SOHLH2: variants seen among roughly 807,000 people sequenced by gnomAD.
SOHLH2 encodes the protein spermatogenesis and oogenesis specific basic helix-loop-helix 2, also known as spermatogenesis- and oogenesis-specific basic helix-loop-helix-containing protein 2.
In SOHLH2, 22 loss-of-function variants were observed where a neutral mutation model predicts 50.4. That is an observed-to-expected ratio of 0.44 (90% CI 0.31 to 0.62). SOHLH2 has a LOEUF of 0.62. Among genes scored for constraint, SOHLH2 ranks in the 20% least tolerant of loss-of-function variants. The probability of loss-of-function intolerance (pLI) is 0.08; values close to 1 mark genes in which losing one functional copy is unlikely to be tolerated. For missense variants in SOHLH2, 412 were observed against 504.4 expected (o/e 0.82, Z 1.76); for synonymous variants, 185 against 187.3 (o/e 0.99, Z 0.10).
chr13:36,209,268 T>C (rs979551697), intron 1 of SOHLH2, among the ~76,000 whole-genome samples: 1 of 152,176 alleles, frequency 6.6e-6, no homozygotes, highest in Non-Finnish European at 1.5e-5. Context: ...TAATTTTTCA[T>C]AACCTGCTAT....
chr13:36,190,913 C>T (rs1887553193), intron 5 of SOHLH2, among the ~76,000 whole-genome samples: 1 of 152,184 alleles, frequency 6.6e-6, no homozygotes, highest in Non-Finnish European at 1.5e-5. Context: ...TTTAACCACA[C>T]TTACTGACTG....
intron 6 of SOHLH2, among the ~76,000 whole-genome samples, chr13:36,184,578 G>A (rs1593942884): frequency 6.6e-6 from 1 of 150,496 alleles, no homozygotes; most frequent in South Asian, 2.1e-4. Flanking sequence ...TCCTTCCTCA[G>A]CCTCCCGAGT....
chr13:36,202,059 G>C lies in SOHLH2; in HGVS notation c.83C>G (p.Thr28Ser), dbSNP rs757605035. The stretch of plus-strand genomic sequence containing the variant: ...TACAGTATCAGCCAGGTAGCCCACA[G>C]TGACATCTCCAACTAATAAGATGTC... ...KIDILLVGDV[T>S]VGYLADTVQK... Residue 28 changes from threonine (T) to serine (S), a missense_variant, in exon 2 of 11, where the codon ACT (threonine) becomes AGT (serine). Transcript: ENST00000379881. The C allele has an allele frequency of 1.1e-5, 18 of 1,614,098 alleles. No homozygotes were observed. Among genetic ancestry groups the C allele is most frequent in the Non-Finnish European group, 1.4e-5 (16 of 1,180,058 alleles).
At chr13:36,170,135 A>T (rs532041125) in intron 10 of SOHLH2, among the ~76,000 whole-genome samples, 65 of 152,262 alleles carry the variant, frequency 4.3e-4, no homozygotes, top group African/African-American at 1.4e-3. Flanking sequence ...AGTGTAAGTG[A>T]TGCTGCCCAC....
rs1887050727 is a variant in SOHLH2 at position 36,174,543 on chromosome 13, T to C, written c.814A>G (p.Met272Val). ...AQITEALQSN[M>V]RFCKKQQTPI... ...GTTTGTTGTTTCTTACAAAACCTCA[T>C]GTTGCTCTGAAGTGCTTCTGTAATC... Residue 272 changes from methionine to valine, a missense_variant, in exon 8 of 11, where the codon ATG becomes GTG. Met to Val is a conservative substitution (Grantham distance 21). Coordinates refer to ENST00000379881, the MANE Select transcript of SOHLH2 (RefSeq NM_017826.3). The C allele has an allele frequency of 6.2e-7, 1 of 1,614,236 alleles. No individual in the cohort carries two copies. The highest frequency in any genetic ancestry group is 1.3e-5 in the African/African-American group (1 of 75,066).
chr13:36,193,370 CA>C (rs1887630308), intron 4 of SOHLH2, among the ~76,000 whole-genome samples: 1 of 152,004 alleles, frequency 6.6e-6, no homozygotes, highest in Non-Finnish European at 1.5e-5. Context: ...GCTAGGCTAC[CA>C]AAAAAGAAAG....
intron 6 of SOHLH2, among the ~76,000 whole-genome samples, chr13:36,177,161 T>G (rs1296180360): frequency 2.0e-5 from 3 of 152,142 alleles, no homozygotes; most frequent in African/African-American, 7.2e-5. Context: ...AGCATATAAA[T>G]AAAATCTTAC....
chr13:36,201,810 G>C, intron 2 of SOHLH2, 69 bp downstream of exon 2: 1 of 1,578,386 alleles, frequency 6.3e-7, no homozygotes, highest in Non-Finnish European at 8.6e-7. Flanking sequence ...ATCTTTTTAG[G>C]AGTTTTTAAA....
rs774440035 is a variant in SOHLH2, at chr13:36,214,040, A to AT, written c.48+438dup. On this transcript the variant is annotated intron_variant, in intron 1 of 10. Transcript: ENST00000379881. The stretch of plus-strand genomic sequence containing the variant: ...AGTTGGGGAAACGTCAAGGGCTAAG[A>AT]TTTTTTTTTTTTTTTTTTAGTTGGA... Among the ~76,000 whole-genome samples, 1,100 of 139,610 alleles carry AT rather than the reference A, an allele frequency of 7.9e-3. 6 individuals are homozygous for AT. Among genetic ancestry groups the AT allele is most frequent in the South Asian group, 0.029 (126 of 4,366 alleles). 91.6% of individuals were successfully genotyped at this position (139,610 alleles called of 152,430 possible). A position where few individuals can be genotyped will look rare whatever the true frequency, so the allele number is the denominator to read the frequency against.
intron 4 of SOHLH2, 128 bp from the exon 5 acceptor site, chr13:36,192,022 T>C (rs1887588531): frequency 1.9e-6 from 2 of 1,063,448 alleles, no homozygotes; most frequent in African/African-American, 1.6e-5. Flanking sequence ...AGCAGTATTT[T>C]TAAAACTGAA....
At chr13:36,210,214 G>A (rs1042639812) in intron 1 of SOHLH2, among the ~76,000 whole-genome samples, 6 of 152,140 alleles carry the variant, frequency 3.9e-5, no homozygotes, top group Admixed American at 6.5e-5. Flanking sequence ...GTAAATCCAG[G>A]GGGCCAACCT....
chr13:36,177,530 A>G (rs1056729921), intron 6 of SOHLH2, among the ~76,000 whole-genome samples: 1 of 152,138 alleles, frequency 6.6e-6, no homozygotes, highest in Non-Finnish European at 1.5e-5. Context: ...TCCACCATCA[A>G]TGTATCAGAC....
rs1462792779 is a variant in SOHLH2, at chr13:36,201,807, T to C, written c.263+72A>G. The C allele has an allele frequency of 1.9e-6, 3 of 1,574,166 alleles. No individual in the cohort carries two copies. The African/African-American group carries it at 4.1e-5, about 22-fold the overall frequency. Reference sequence around the variant, plus strand: ...GTAAAATAGAAATATATCATCTTTTTAGGAGTTTTTAAAAAATGGGTTTTT... The same window carrying C: ...GTAAAATAGAAATATATCATCTTTTCAGGAGTTTTTAAAAAATGGGTTTTT... On this transcript the variant is annotated intron_variant, in intron 2 of 10. Coordinates refer to ENST00000379881, the MANE Select transcript of SOHLH2 (RefSeq NM_017826.3).
At chr13:36,189,899 C>A (rs746482354) in intron 6 of SOHLH2, 47 bp downstream of exon 6, 12 of 1,496,214 alleles carry the variant, frequency 8.0e-6, no homozygotes, top group African/African-American at 7.0e-5. Context: ...TCATTAATTT[C>A]TCCCTACAAA....
intron 9 of SOHLH2, among the ~76,000 whole-genome samples, chr13:36,173,406 C>A (rs1412306312): frequency 6.6e-6 from 1 of 152,152 alleles, no homozygotes; most frequent in Admixed American, 6.5e-5. Flanking sequence ...CGAATACTTC[C>A]CCTCCCCTGA....
intron 1 of SOHLH2, among the ~76,000 whole-genome samples, chr13:36,210,748 C>A (rs1173160993): frequency 6.6e-6 from 1 of 152,148 alleles, no homozygotes; most frequent in Non-Finnish European, 1.5e-5. Flanking sequence ...TAGCCTGCTA[C>A]CAACCTACTT....
At chr13:36,207,275 T>C (rs1868833838) in intron 1 of SOHLH2, among the ~76,000 whole-genome samples, 1 of 152,082 alleles carries the variant, frequency 6.6e-6, no homozygotes. Context: ...CCTTATTCCC[T>C]TTCATTTATT....
In SOHLH2 at chr13:36,193,614, T is replaced by G; in HGVS notation, c.430+7A>C. Reference sequence around the variant, plus strand: ...AATTTTGAAACCTTTGGAAATTTTTTACTCACCAGTGTTTGAGGGACATGT... The same window carrying G: ...AATTTTGAAACCTTTGGAAATTTTTGACTCACCAGTGTTTGAGGGACATGT... On this transcript the variant is annotated splice_region_variant and intron_variant, in intron 4 of 10. Coordinates refer to ENST00000379881, the MANE Select transcript of SOHLH2 (RefSeq NM_017826.3). 1 of 1,583,542 alleles carries G rather than the reference T, an allele frequency of 6.3e-7. No individual in the cohort carries two copies. Among genetic ancestry groups the G allele is most frequent in the Non-Finnish European group, 8.5e-7 (1 of 1,172,182 alleles).
chr13:36,205,675 ATTTTG>A (rs1441162508), intron 1 of SOHLH2, among the ~76,000 whole-genome samples: 3 of 152,010 alleles, frequency 2.0e-5, no homozygotes, highest in African/African-American at 4.8e-5. Flanking sequence ...TCTTGATATA[ATTTTG>A]TTTTATTGTA....
Sources: gnomAD v4.1 joint callset for allele counts (sites outside exome capture counted in the v4.1 genomes callset) on GRCh38, gnomAD v4.1.1 for gene constraint, MANE v1.5 for transcripts, NCBI Gene and HGNC (gene_info 2026-07-23, HGNC 2026-07-21) for gene names.